Variants in NAA35 observed in about 807,000 individuals in gnomAD.
NAA35 encodes N-alpha-acetyltransferase 35, NatC auxiliary subunit, also known as MAK10 homolog, amino-acid N-acetyltransferase subunit.
In NAA35, 18 loss-of-function variants were observed where a neutral mutation model predicts 101.7. The observed-to-expected ratio is 0.18, with a 90% CI of 0.12 to 0.26. The LOEUF is 0.26. NAA35 is among the 10% of genes least tolerant of loss of function. The probability of loss-of-function intolerance (pLI) is 1.00; values close to 1 mark genes in which losing one functional copy is unlikely to be tolerated. For synonymous variants in NAA35, 267 were observed against 273.1 expected (o/e 0.98, Z 0.22); for missense variants, 601 against 886.8 (o/e 0.68, Z 4.09).
At chr9:86,018,847 A>G (rs1832370756) in intron 21 of NAA35, 26 bp downstream of exon 21, 1 of 1,606,756 alleles carries the variant, frequency 6.2e-7, no homozygotes, top group Non-Finnish European at 8.5e-7. Flanking sequence ...CAGTAATTCT[A>G]GGGGAAAAGC....
chr9:85,984,898 A>C (rs1830585534), intron 11 of NAA35, among the ~76,000 whole-genome samples: 1 of 152,236 alleles, frequency 6.6e-6, no homozygotes, highest in African/African-American at 2.4e-5. Context: ...TCAGTGACTT[A>C]AATGTGAGAA....
chr9:86,017,006 C>G (rs1832259930), intron 18 of NAA35, among the ~76,000 whole-genome samples: 1 of 152,222 alleles, frequency 6.6e-6, no homozygotes, highest in Non-Finnish European at 1.5e-5. Context: ...GGCAGTAGTT[C>G]TGGAGCTGTG....
intron 11 of NAA35, among the ~76,000 whole-genome samples, chr9:85,979,992 A>G (rs1399629101): frequency 2.6e-5 from 4 of 152,206 alleles, no homozygotes; most frequent in Non-Finnish European, 5.9e-5. Context: ...CTTCTGACCC[A>G]CTGGCTTTAA....
At position 86,007,474 on chromosome 9, in the gene NAA35, G is replaced by A. The variant is rs746828429; in HGVS notation, c.1223+10G>A. The A allele has an allele frequency of 6.2e-7, 1 of 1,607,036 alleles. No homozygotes were observed. The highest frequency in any genetic ancestry group is 8.5e-7 in the Non-Finnish European group (1 of 1,173,986). On this transcript the variant is annotated intron_variant, in intron 14 of 22. Transcript: ENST00000361671. ...CGGTGCTTTCCCCCAAGTAAGTATT[G>A]TAAGACATTTTAGAGTTGTATGTAT... is the stretch of plus-strand genomic sequence containing the variant.
chr9:86,007,547 A>G (rs985171605), intron 14 of NAA35, 83 bp downstream of exon 14: 8 of 949,954 alleles, frequency 8.4e-6, no homozygotes, highest in South Asian at 3.1e-5. Flanking sequence ...TTTATAGCCA[A>G]AGTATCAAAA....
Position 85,949,811 on chromosome 9 carries a change from T to TA in NAA35, c.125-6536dup, listed in dbSNP as rs201303945. On this transcript the variant is annotated intron_variant, in intron 2 of 22. Transcript: ENST00000361671. The stretch of plus-strand genomic sequence containing the variant: ...TTTAACTTAAAAGTAGAAGTAACTT[T>TA]AAAAAAAAAAAAACAGTATCATGTT... Among the ~76,000 whole-genome samples the TA allele has an allele frequency of 9.4e-3, 1,342 of 142,862 alleles. 15 individuals carry two copies. Among genetic ancestry groups the TA allele is most frequent in the African/African-American group, 0.027 (1,073 of 39,202 alleles). 93.7% of individuals were successfully genotyped at this position (142,862 alleles called of 152,430 possible).
In NAA35 at chr9:85,948,528, C is replaced by G. The variant is rs116861336; in HGVS notation, c.124+6245C>G. Among the ~76,000 whole-genome samples the G allele has an allele frequency of 6.4e-3, 976 of 152,190 alleles. 10 individuals carry two copies. Among genetic ancestry groups the G allele is most frequent in the Non-Finnish European group, 0.011 (781 of 68,006 alleles). On this transcript the variant is annotated intron_variant, in intron 2 of 22. Coordinates refer to ENST00000361671, the MANE Select transcript of NAA35 (RefSeq NM_024635.4). ...TTCATCAGCCTGGGGTGTCTTTTCT[C>G]TCTTGTTGTGATTGGATATCATTAT...
chr9:86,020,064 A>G (rs1332255564), intron 21 of NAA35, among the ~76,000 whole-genome samples: 1 of 152,208 alleles, frequency 6.6e-6, no homozygotes, highest in African/African-American at 2.4e-5. Flanking sequence ...TTTAATATGC[A>G]TAGTATGGTG....
rs1232608617 is a variant in NAA35 at position 85,958,577 on chromosome 9, A to G, written c.264A>G (p.Gln88=). 3 of 1,607,490 alleles carry G rather than the reference A, an allele frequency of 1.9e-6. No individual in the cohort carries two copies. ...QVNRKVLNFE[Q]AIKDGTIKIK... ...ATCGAAAAGTTCTCAATTTTGAACAAGCTATCAAGGTAGTTACCATTGTAC... is the reference window on the plus strand; with the variant it reads ...ATCGAAAAGTTCTCAATTTTGAACAGGCTATCAAGGTAGTTACCATTGTAC... Residue 88 remains glutamine (Q), a synonymous_variant, in exon 4 of 23, where the codon CAA becomes CAG. Coordinates refer to ENST00000361671, the MANE Select transcript of NAA35 (RefSeq NM_024635.4).
chr9:85,962,321 T>C lies in NAA35; in HGVS notation c.516+141T>C, dbSNP rs138277719. ...GCCTGGCCAACATGGTGAAACACTG[T>C]CTCTACTAAAAATACACAAAATAGC... is the stretch of plus-strand genomic sequence containing the variant. On this transcript the variant is annotated intron_variant, in intron 6 of 22. Transcript: ENST00000361671. The C allele has an allele frequency of 2.3e-3, 1,495 of 648,308 alleles. 19 individuals are homozygous for C. The African/African-American group carries it at 0.024, about 11-fold the overall frequency. 40.2% of individuals were successfully genotyped at this position (648,308 alleles called of 1,614,324 possible). A position where few individuals can be genotyped will look rare whatever the true frequency, so the allele number is the denominator to read the frequency against.
intron 21 of NAA35, 56 bp downstream of exon 21, chr9:86,018,877 T>C: frequency 1.3e-6 from 2 of 1,584,042 alleles, no homozygotes; most frequent in Non-Finnish European, 1.7e-6. Flanking sequence ...AATACATCTC[T>C]TACTGCTGGA....
At chr9:86,011,885 ATATT>A (rs1831937076) in intron 15 of NAA35, among the ~76,000 whole-genome samples, 1 of 142,030 alleles carries the variant, frequency 7.0e-6, no homozygotes, top group African/African-American at 2.6e-5. Flanking sequence ...ATATAAATAT[ATATT>A]ATATGATATA....
chr9:86,021,819 T>G, intron 22 of NAA35, 82 bp from the exon 23 acceptor site: 1 of 1,165,280 alleles, frequency 8.6e-7, no homozygotes. Flanking sequence ...CACAAGAAAC[T>G]CTAAAATAAA....
At chr9:86,015,561 G>C (rs777675450) in intron 17 of NAA35, 5 of 231,380 alleles carry the variant, frequency 2.2e-5, no homozygotes, top group Admixed American at 1.3e-4. Flanking sequence ...GTTAGGTCTA[G>C]GGTGAGACCG....
chr9:85,970,299 G>A (rs958087402), intron 6 of NAA35, among the ~76,000 whole-genome samples: 1 of 152,198 alleles, frequency 6.6e-6, no homozygotes, highest in African/African-American at 2.4e-5. Context: ...ATAGTATTGT[G>A]TGAAGAGTAC....
intron 6 of NAA35, among the ~76,000 whole-genome samples, chr9:85,969,171 G>A (rs1352475167): frequency 6.6e-6 from 1 of 151,050 alleles, no homozygotes; most frequent in Non-Finnish European, 1.5e-5. Context: ...TTGTTATCTG[G>A]CCCACATGCC....
chr9:86,007,494 A>T, intron 14 of NAA35, 30 bp downstream of exon 14: 1 of 1,555,192 alleles, frequency 6.4e-7, no homozygotes, highest in Non-Finnish European at 8.9e-7. Flanking sequence ...TTAGAGTTGT[A>T]TGTATGTGCT....
chr9:85,955,161 C>T (rs1264592671), intron 2 of NAA35, among the ~76,000 whole-genome samples: 1 of 151,416 alleles, frequency 6.6e-6, no homozygotes, highest in Non-Finnish European at 1.5e-5. Flanking sequence ...AGGTGATCCA[C>T]TAACTTCAGC....
chr9:86,010,019 G>A, intron 15 of NAA35, 88 bp downstream of exon 15: 3 of 991,892 alleles, frequency 3.0e-6, no homozygotes, highest in Non-Finnish European at 4.8e-6. Context: ...GGGAGGCTGA[G>A]GCAGGTGGAT....
Sources: allele counts gnomAD v4.1 joint callset (sites outside exome capture counted in the v4.1 genomes callset), GRCh38; gene constraint gnomAD v4.1.1; transcripts MANE v1.5; gene names NCBI Gene and HGNC (gene_info 2026-07-23, HGNC 2026-07-21).